The following SAMD5 variants were observed in gnomAD, a reference collection of about 807,000 sequenced individuals.
SAMD5 encodes the protein sterile alpha motif domain containing 5.
In SAMD5, 13 loss-of-function variants were observed where a neutral mutation model predicts 11.3. The ratio of observed to expected loss-of-function variants is 1.15; its 90% CI spans 0.75 to 1.83. The LOEUF is 1.83. Ranked by LOEUF, SAMD5 falls within the 40% of genes most tolerant of loss-of-function variation. The probability of loss-of-function intolerance (pLI) is 0.00; values close to 1 mark genes in which losing one functional copy is unlikely to be tolerated. For missense variants in SAMD5, 255 were observed against 239.1 expected, an observed-to-expected ratio of 1.07 and a Z score of -0.44; for synonymous variants, 129 against 111.3, an observed-to-expected ratio of 1.16 and a Z score of -1.00.
chr6:147,542,760 A>G (rs1788627096), intron 1 of SAMD5, among the ~76,000 whole-genome samples: 1 of 152,180 alleles, frequency 6.6e-6, no homozygotes, highest in Non-Finnish European at 1.5e-5. Context: ...CAAACTGCAT[A>G]ACTCCTAAAC....
At chr6:147,840,692 CTTAA>C in the SAMD5 span, among the ~76,000 whole-genome samples, 10 of 152,192 alleles carry the variant, frequency 6.6e-5, no homozygotes, top group African/African-American at 4.8e-5. Flanking sequence ...GAGCATATAA[CTTAA>C]TTCTTTGTAA....
intron 1 of SAMD5, among the ~76,000 whole-genome samples, chr6:147,592,059 C>T (rs1481513539): frequency 6.6e-6 from 1 of 152,154 alleles, no homozygotes; most frequent in African/African-American, 2.4e-5. Context: ...TGACATGCCT[C>T]ATCCTTTATG....
At chr6:147,866,527 G>A in the SAMD5 span, among the ~76,000 whole-genome samples, 1 of 152,142 alleles carries the variant, frequency 6.6e-6, no homozygotes, top group Non-Finnish European at 1.5e-5. Context: ...ACGCCAAAAT[G>A]CCAATAAGAT....
the SAMD5 span, among the ~76,000 whole-genome samples, chr6:147,865,676 T>C: frequency 6.6e-6 from 1 of 152,180 alleles, no homozygotes; most frequent in Non-Finnish European, 1.5e-5. Flanking sequence ...TGGGGAGCCA[T>C]GGATGCCAAC....
the SAMD5 span, among the ~76,000 whole-genome samples, chr6:147,857,646 C>A: frequency 1.3e-5 from 2 of 152,056 alleles, no homozygotes; most frequent in African/African-American, 4.8e-5. Flanking sequence ...TGTATGTATG[C>A]CTGTAAATGG....
chr6:147,540,778 G>A (rs112723975), intron 1 of SAMD5, among the ~76,000 whole-genome samples: 20 of 9,852 alleles, frequency 2.0e-3, no homozygotes, highest in East Asian at 0.071. Context: ...AGAGAGAGAG[G>A]GGGGGGGTCC....
the SAMD5 span, among the ~76,000 whole-genome samples, chr6:147,855,890 C>T: frequency 6.6e-6 from 1 of 152,154 alleles, no homozygotes; most frequent in Non-Finnish European, 1.5e-5. Context: ...CTTAAAAATA[C>T]ACCTACCATA....
At chr6:147,816,301 A>AAAAAAAAAAAAAATATATATATAT in the SAMD5 span, among the ~76,000 whole-genome samples, 1 of 66,354 alleles carries the variant, frequency 1.5e-5, no homozygotes, top group Non-Finnish European at 2.4e-5. Context: ...AAAAAAAAAA[A>AAAAAAAAAAAAAATATATATATAT]ATATATATAT....
Position 147,564,478 on chromosome 6 carries a change from G to A in SAMD5, c.*22G>A, listed in dbSNP as rs368501487. The A allele has an allele frequency of 8.8e-6, 7 of 791,142 alleles. No homozygotes were observed. Among genetic ancestry groups the A allele is most frequent in the Non-Finnish European group, 1.6e-5 (7 of 427,830 alleles). 49.0% of individuals were successfully genotyped at this position (791,142 alleles called of 1,614,324 possible). A position where few individuals can be genotyped will look rare whatever the true frequency, so the allele number is the denominator to read the frequency against. ...CTAGATATCATTTTTGAGACCTCGT[G>A]GAGGACTGATGAGGTGCCTGAAGAC... is the stretch of plus-strand genomic sequence containing the variant. On this transcript the variant is annotated 3_prime_UTR_variant, in exon 2 of 2. Coordinates refer to ENST00000367474, the MANE Select transcript of SAMD5 (RefSeq NM_001030060.3).
chr6:147,729,796 G>T (rs764287115), intron 1 of SAMD5: 5 of 457,034 alleles, frequency 1.1e-5, no homozygotes, highest in Non-Finnish European at 2.2e-5. Flanking sequence ...TCAAGAAACA[G>T]CAAGGAGGCT....
the SAMD5 span, among the ~76,000 whole-genome samples, chr6:147,774,221 C>T: frequency 6.6e-6 from 1 of 152,292 alleles, no homozygotes; most frequent in African/African-American, 2.4e-5. Flanking sequence ...AATGTCCCAC[C>T]TCCTTGTACT....
rs1791398267 is a variant in SAMD5 at position 147,711,366 on chromosome 6, C to T, written c.163-25951C>T. Among the ~76,000 whole-genome samples, 1 of 152,098 alleles carries T rather than the reference C, an allele frequency of 6.6e-6. No individual in the cohort carries two copies. Among genetic ancestry groups the T allele is most frequent in the Non-Finnish European group, 1.5e-5 (1 of 68,024 alleles). On this transcript the variant is annotated intron_variant, in intron 1 of 1. Coordinates refer to the SAMD5 transcript ENST00000566741. This position sits in a 1 kb window ranked among gnomAD's most constrained non-coding sequence, Gnocchi z 4.1. ...CCTGTGCTCCCTGTCCCATTTCTAG[C>T]CATATCATGGGACAGATAAAGATGT...
intron 1 of SAMD5, among the ~76,000 whole-genome samples, chr6:147,531,718 T>C (rs2128441162): frequency 6.6e-6 from 1 of 152,358 alleles, no homozygotes; most frequent in East Asian, 1.9e-4. Flanking sequence ...GAGGATCAAT[T>C]GGATATATGA....
chr6:147,609,799 G>A (rs1475737985), intron 1 of SAMD5, among the ~76,000 whole-genome samples: 1 of 151,802 alleles, frequency 6.6e-6, no homozygotes, highest in African/African-American at 2.4e-5. Flanking sequence ...CTCATGATCC[G>A]CCCGCCTCAG....
At chr6:147,761,756 C>A in the SAMD5 span, among the ~76,000 whole-genome samples, 2 of 152,128 alleles carry the variant, frequency 1.3e-5, no homozygotes, top group Non-Finnish European at 2.9e-5. Flanking sequence ...CTCTGTAGCC[C>A]AGGCTGGAGT....
chr6:147,614,452 G>A (rs1789836076), intron 1 of SAMD5, among the ~76,000 whole-genome samples: 1 of 148,098 alleles, frequency 6.8e-6, no homozygotes, highest in Admixed American at 6.7e-5. Context: ...CTGGGCGACA[G>A]AGCTAGACTC....
At chr6:147,938,427 T>G in the SAMD5 span, among the ~76,000 whole-genome samples, 11 of 152,182 alleles carry the variant, frequency 7.2e-5, no homozygotes, top group African/African-American at 2.7e-4. Context: ...CAATGGAAAT[T>G]ATGGTACAAA....
chr6:147,605,215 CA>C (rs1789682241), intron 1 of SAMD5, among the ~76,000 whole-genome samples: 1 of 152,146 alleles, frequency 6.6e-6, no homozygotes, highest in Admixed American at 6.5e-5. Flanking sequence ...TGGACTCAAG[CA>C]ATCTTCCTGC....
In SAMD5 at chr6:147,545,591, A is replaced by G. The variant is rs561539480; in HGVS notation, c.460-18803A>G. ...CAGGGGCTGTGGGGGATGGAAATGTAGTTAAGGATAAGCGGACTTTAATTT... is the reference window on the plus strand; with the variant it reads ...CAGGGGCTGTGGGGGATGGAAATGTGGTTAAGGATAAGCGGACTTTAATTT... On this transcript the variant is annotated intron_variant, in intron 1 of 1. Coordinates refer to ENST00000367474, the MANE Select transcript of SAMD5 (RefSeq NM_001030060.3). Among the ~76,000 whole-genome samples the G allele has an allele frequency of 1.4e-4, 22 of 152,286 alleles. 1 individual carries two copies. Among genetic ancestry groups the G allele is most frequent in the African/African-American group, 4.3e-4 (18 of 41,554 alleles).
Sources: gnomAD v4.1 joint callset for allele counts (sites outside exome capture counted in the v4.1 genomes callset) on GRCh38, gnomAD v4.1.1 for gene constraint, Gnocchi (gnomAD v3.1) non-coding constraint, MANE v1.5 for transcripts, NCBI Gene and HGNC (gene_info 2026-07-23, HGNC 2026-07-21) for gene names.